The following KMT2C variants were observed in gnomAD, a reference collection of about 807,000 sequenced individuals.
The protein encoded by KMT2C is histone-lysine N-methyltransferase 2C.
In KMT2C, 88 loss-of-function variants were observed where a neutral mutation model predicts 507.9. The observed-to-expected ratio is 0.17, with a 90% CI of 0.15 to 0.21. The LOEUF (loss-of-function observed/expected upper bound fraction) is 0.21, where lower values mean the gene tolerates loss of function less well. Among genes scored for constraint, KMT2C ranks in the 10% least tolerant of loss-of-function variants. KMT2C has a pLI of 1.00. For missense variants in KMT2C, 4,954 were observed against 5,957.8 expected, an observed-to-expected ratio of 0.83 and a Z score of 5.55; for synonymous variants, 2,049 against 2,080.8, an observed-to-expected ratio of 0.98 and a Z score of 0.42.
At chr7:152,234,045 G>T (rs1019857414) in intron 16 of KMT2C, among the ~76,000 whole-genome samples, 2 of 152,128 alleles carry the variant, frequency 1.3e-5, no homozygotes, top group African/African-American at 4.8e-5. Context: ...TGAGGCAGGA[G>T]AATTGCTTGA....
intron 1 of KMT2C, among the ~76,000 whole-genome samples, chr7:152,388,766 G>A (rs1430891762): frequency 1.4e-5 from 2 of 143,100 alleles, no homozygotes; most frequent in Non-Finnish European, 3.1e-5. Flanking sequence ...TTTTTTTCCT[G>A]GGATGGAGTT....
intron 6 of KMT2C, among the ~76,000 whole-genome samples, chr7:152,306,096 G>A (rs947187708): frequency 1.3e-5 from 2 of 152,078 alleles, no homozygotes; most frequent in Non-Finnish European, 2.9e-5. Flanking sequence ...CAACACTACA[G>A]CATGACTGTA....
rs749213126 is a variant in KMT2C, at chr7:152,177,750, C to A, written c.7703G>T (p.Gly2568Val). The A allele has an allele frequency of 1.5e-5, 25 of 1,614,128 alleles. No individual in the cohort carries two copies. The East Asian group carries it at 5.6e-4, about 36-fold the overall frequency. ...YIELRHRAPD[G>V]RQRLPFSAPP... is the part of the protein sequence containing the mutation. ...AGCACTGAAAGGCAGCCGTTGCCTT[C>A]CGTCAGGAGCCCTATGTCTCAGTTC... is the stretch of plus-strand genomic sequence containing the variant. Residue 2568 changes from glycine to valine, a missense_variant, in exon 38 of 59, where the codon GGA becomes GTA. By Grantham distance (109) the Gly-to-Val change is moderately radical. This residue lies in a region of KMT2C where 1,689 missense variants were observed against 1,654.3 expected (regional missense o/e 1.02). Coordinates refer to ENST00000262189, the MANE Select transcript of KMT2C (RefSeq NM_170606.3).
At chr7:152,255,109 TTATATA>T (rs1207305132) in intron 9 of KMT2C, among the ~76,000 whole-genome samples, 1,562 of 78,336 alleles carry the variant, frequency 0.02, 76 homozygotes, top group African/African-American at 0.059. Context: ...CAACTCTCAC[TTATATA>T]TATATATATA....
chr7:152,221,150 G>A (rs565741812), intron 22 of KMT2C, among the ~76,000 whole-genome samples: 30 of 152,264 alleles, frequency 2.0e-4, no homozygotes, highest in Middle Eastern at 6.8e-3. Context: ...CCAGCTATGC[G>A]GGAGGCTGAG....
chr7:152,303,006 C>T (rs1225305852), intron 6 of KMT2C, among the ~76,000 whole-genome samples: 1 of 152,038 alleles, frequency 6.6e-6, no homozygotes, highest in Non-Finnish European at 1.5e-5. Context: ...TGAAAATATT[C>T]CCTCAGTAAT....
At chr7:152,325,405 C>T (rs1029415411) in intron 3 of KMT2C, among the ~76,000 whole-genome samples, 1 of 151,814 alleles carries the variant, frequency 6.6e-6, no homozygotes, top group African/African-American at 2.4e-5. Flanking sequence ...ACCTTAGCCT[C>T]CCAAAGGGCT....
At chr7:152,344,270 C>T (rs747740349) in intron 2 of KMT2C, among the ~76,000 whole-genome samples, 1 of 152,138 alleles carries the variant, frequency 6.6e-6, no homozygotes, top group African/African-American at 2.4e-5. Flanking sequence ...AACCAAATAA[C>T]AGCAAACCCA....
At chr7:152,226,219 C>CTTTTTTTTTTTTTTTTTTTTTTT (rs869076803) in intron 18 of KMT2C, among the ~76,000 whole-genome samples, 2 of 94,958 alleles carry the variant, frequency 2.1e-5, no homozygotes, top group African/African-American at 8.4e-5. Flanking sequence ...ATTACAAGGC[C>CTTTTTTTTTTTTTTTTTTTTTTT]TTTTTTTTTT....
In KMT2C at chr7:152,148,670, T is replaced by C. The variant is rs764456293; in HGVS notation, c.13257A>G (p.Leu4419=). 6.2e-7 allele frequency: 1 copy of C among 1,614,176 alleles called. No individual in the cohort carries two copies. Among genetic ancestry groups the C allele is most frequent in the Non-Finnish European group, 8.5e-7 (1 of 1,180,038 alleles). ...CCCACAGATCCAAGTCAAGGTTGAG[T>C]AGCCTTGCTGGTCCATCTGTCAATC... is the stretch of plus-strand genomic sequence containing the variant. ...GDGLTDGPAR[L]LNLDLDLWVH... The change falls in exon 52 of 59, where the codon CTA becomes CTG. Residue 4419 remains leucine, a synonymous_variant. Transcript: ENST00000262189. The surrounding 1 kb of genome is among the most constrained non-coding windows in gnomAD (Gnocchi z 7.1).
At chr7:152,423,401 G>A (rs2097790336) in intron 1 of KMT2C, among the ~76,000 whole-genome samples, 1 of 152,198 alleles carries the variant, frequency 6.6e-6, no homozygotes, top group Admixed American at 6.5e-5. Context: ...TGTGAACTCT[G>A]TGATAGTTCT....
At chr7:152,208,470 A>G (rs2094365435) in intron 23 of KMT2C, among the ~76,000 whole-genome samples, 1 of 152,224 alleles carries the variant, frequency 6.6e-6, no homozygotes, top group African/African-American at 2.4e-5. Flanking sequence ...TGTCCCTGCT[A>G]GACTATATTC....
At position 152,167,341 on chromosome 7, in the gene KMT2C, C is replaced by T; in HGVS notation, c.9555G>A (p.Gln3185=). The T allele has an allele frequency of 6.2e-7, 1 of 1,613,676 alleles. No homozygotes were observed. ...SQRKQYEEWL[Q]ETQQLLQMQQ... is the part of the protein sequence containing the mutation. ...GCATTTGAAGCAGCTGTTGGGTCTC[C>T]TGGAGCCACTCTTCATACTGCTTAC... Residue 3185 remains glutamine, a synonymous_variant, in exon 42 of 59, where the codon CAG becomes CAA. Transcript: ENST00000262189.
Position 152,181,589 on chromosome 7 carries a change from T to C in KMT2C, c.6271A>G (p.Asn2091Asp). The C allele has an allele frequency of 6.2e-7, 1 of 1,614,036 alleles. No individual in the cohort carries two copies. The highest frequency in any genetic ancestry group is 1.3e-5 in the African/African-American group (1 of 74,974). Residue 2091 changes from asparagine (N) to aspartate (D), a missense_variant, in exon 36 of 59, where the codon AAT (asparagine) becomes GAT (aspartate). Around this residue, in one of 29 missense-constraint regions of KMT2C, gnomAD observed 1,689 missense variants for 1,654.3 expected, o/e 1.02. Transcript: ENST00000262189. ...AGGGGAGGCTGACTATATGGATCAT[T>C]TGACTGATTATGAGAAAAATTATCT... is the stretch of plus-strand genomic sequence containing the variant. ...PIDNFSHNQS[N>D]DPYSQPPLTP...
At chr7:152,340,960 T>C (rs1393870354) in intron 2 of KMT2C, among the ~76,000 whole-genome samples, 3 of 152,238 alleles carry the variant, frequency 2.0e-5, no homozygotes, top group Non-Finnish European at 4.4e-5. Context: ...TTAGTTGTTA[T>C]CAGTATTTCC....
intron 28 of KMT2C, chr7:152,195,488 C>T: frequency 1.0e-6 from 1 of 961,352 alleles, no homozygotes; most frequent in Non-Finnish European, 1.2e-6. Context: ...AAGACTACTT[C>T]TAGTCAGCCG....
intron 13 of KMT2C, 141 bp from the exon 14 acceptor site, chr7:152,248,761 A>C: frequency 1.7e-6 from 1 of 591,858 alleles, no homozygotes; most frequent in East Asian, 2.8e-5. Context: ...AGTGAATGAA[A>C]GCCAAAGTAC....
chr7:152,261,357 A>G (rs1201371047), intron 9 of KMT2C, among the ~76,000 whole-genome samples: 1 of 152,214 alleles, frequency 6.6e-6, no homozygotes, highest in Non-Finnish European at 1.5e-5. Flanking sequence ...AAAATATGAT[A>G]AATTGATAGG....
intron 7 of KMT2C, among the ~76,000 whole-genome samples, chr7:152,271,788 A>G (rs78687968): frequency 1.3e-5 from 2 of 151,968 alleles, no homozygotes; most frequent in Non-Finnish European, 2.9e-5. Flanking sequence ...TATGAAACTG[A>G]TATTTTTCTA....
Sources: gnomAD v4.1 joint callset for allele counts (sites outside exome capture counted in the v4.1 genomes callset) on GRCh38, gnomAD v4.1.1 for gene constraint, gnomAD v4.1.1 regional missense constraint, Gnocchi (gnomAD v3.1) non-coding constraint, MANE v1.5 for transcripts, NCBI Gene and HGNC (gene_info 2026-07-23, HGNC 2026-07-21) for gene names.